EFNA5: variants seen among roughly 807,000 people sequenced by gnomAD.
EFNA5 encodes ephrin A5, also known as ephrin-A5.
A neutral mutation model predicts 22.9 loss-of-function variants in EFNA5; 5 were observed. The observed-to-expected ratio is 0.22, with a 90% CI of 0.11 to 0.46. The LOEUF is 0.46. Among genes scored for constraint, EFNA5 ranks in the 20% least tolerant of loss-of-function variants. The pLI is 0.99. For synonymous variants in EFNA5, 113 were observed against 112.2 expected (o/e 1.01, Z -0.04); for missense variants, 237 against 293.3 (o/e 0.81, Z 1.40).
At chr5:107,583,121 G>T (rs550139054) in intron 1 of EFNA5, among the ~76,000 whole-genome samples, 60 of 152,114 alleles carry the variant, frequency 3.9e-4, no homozygotes, top group African/African-American at 1.3e-3. Flanking sequence ...ATAAAATTTA[G>T]GTATACAAAG....
chr5:107,405,278 G>A (rs990178672), intron 2 of EFNA5, among the ~76,000 whole-genome samples: 8 of 152,204 alleles, frequency 5.3e-5, no homozygotes, highest in African/African-American at 1.4e-4. Flanking sequence ...AGCTGATGAT[G>A]CTGTGCCACG....
At chr5:107,417,865 AAG>A in intron 2 of EFNA5, among the ~76,000 whole-genome samples, 1 of 152,314 alleles carries the variant, frequency 6.6e-6, no homozygotes, top group East Asian at 1.9e-4. Flanking sequence ...CTTTCAAACC[AAG>A]AGTTACATGA....
At chr5:107,511,320 C>G (rs1442085895) in intron 1 of EFNA5, among the ~76,000 whole-genome samples, 1 of 151,976 alleles carries the variant, frequency 6.6e-6, no homozygotes, top group Admixed American at 6.6e-5. Context: ...GCCACTGCTC[C>G]CGGCACCATA....
At chr5:107,406,677 T>C (rs1482115017) in intron 2 of EFNA5, among the ~76,000 whole-genome samples, 1 of 152,218 alleles carries the variant, frequency 6.6e-6, no homozygotes, top group Admixed American at 6.5e-5. Context: ...CTACTTGACA[T>C]ATTTTATATT....
Position 107,429,525 on chromosome 5 carries a change from G to A in EFNA5, c.126-2016C>T, listed in dbSNP as rs77094405. On this transcript the variant is annotated intron_variant, in intron 1 of 4. Coordinates refer to ENST00000333274, the MANE Select transcript of EFNA5 (RefSeq NM_001962.3). ...TTGACAAGCCAAGATACTCTTCCGA[G>A]AGACAACATTGTGAAAAAGTAGAGA... Among the ~76,000 whole-genome samples, 124 of 152,286 alleles carry A rather than the reference G, an allele frequency of 8.1e-4. 1 individual carries two copies. The East Asian group carries it at 0.02, about 24-fold the overall frequency.
intron 1 of EFNA5, among the ~76,000 whole-genome samples, chr5:107,590,700 C>G (rs1749305083): frequency 6.6e-6 from 1 of 152,016 alleles, no homozygotes; most frequent in African/African-American, 2.4e-5. Context: ...GCCTCATGGA[C>G]ATGATTTTAT....
intron 1 of EFNA5, among the ~76,000 whole-genome samples, chr5:107,540,656 G>T (rs1057301994): frequency 6.6e-6 from 1 of 152,092 alleles, no homozygotes; most frequent in Non-Finnish European, 1.5e-5. Context: ...GATGCTTTAG[G>T]AGTAAAAATT....
chr5:107,407,859 G>C (rs1748264292), intron 2 of EFNA5, among the ~76,000 whole-genome samples: 1 of 152,106 alleles, frequency 6.6e-6, no homozygotes, highest in African/African-American at 2.4e-5. Context: ...CTGACATAGG[G>C]TTGGTCATAG....
At chr5:107,552,412 T>C (rs1748319480) in intron 1 of EFNA5, among the ~76,000 whole-genome samples, 1 of 152,208 alleles carries the variant, frequency 6.6e-6, no homozygotes, top group South Asian at 2.1e-4. Context: ...GGAAGTGCTC[T>C]TACCATCCTC....
intron 1 of EFNA5, among the ~76,000 whole-genome samples, chr5:107,588,098 G>A (rs1196723111): frequency 6.6e-6 from 1 of 152,178 alleles, no homozygotes; most frequent in Non-Finnish European, 1.5e-5. Flanking sequence ...CTTGGCTGAT[G>A]TAATAACTCA....
intron 1 of EFNA5, among the ~76,000 whole-genome samples, chr5:107,589,024 T>C (rs1580545619): frequency 1.3e-5 from 2 of 152,336 alleles, no homozygotes; most frequent in East Asian, 3.9e-4. Context: ...ACTGCCATTA[T>C]TGACAGTTTA....
At chr5:107,394,829 C>T (rs900749942) in intron 2 of EFNA5, among the ~76,000 whole-genome samples, 16 of 152,100 alleles carry the variant, frequency 1.1e-4, no homozygotes, top group Non-Finnish European at 2.9e-5. Flanking sequence ...CACTAACATG[C>T]TTTTTGTATA....
chr5:107,643,118 C>T (rs969951108), intron 1 of EFNA5, among the ~76,000 whole-genome samples: 1 of 152,102 alleles, frequency 6.6e-6, no homozygotes, highest in Non-Finnish European at 1.5e-5. Flanking sequence ...CAGCACATTT[C>T]TCTTCTAACA....
At chr5:107,662,478 T>G (rs1184677010) in intron 1 of EFNA5, among the ~76,000 whole-genome samples, 1 of 152,140 alleles carries the variant, frequency 6.6e-6, no homozygotes, top group East Asian at 1.9e-4. Context: ...TAGTATAAAT[T>G]TTTAGTAAAG....
At chr5:107,388,377 A>G (rs1315216928) in intron 2 of EFNA5, 1 of 152,220 alleles carries the variant, frequency 6.6e-6, no homozygotes, top group African/African-American at 2.4e-5. Flanking sequence ...AACTTCCATC[A>G]TGCTATTATA....
chr5:107,631,959 C>T (rs962001778), intron 1 of EFNA5, among the ~76,000 whole-genome samples: 1 of 152,218 alleles, frequency 6.6e-6, no homozygotes, highest in South Asian at 2.1e-4. Flanking sequence ...AAGAAACCCT[C>T]GCTGTACCTC....
chr5:107,539,131 T>A (rs551495862), intron 1 of EFNA5, among the ~76,000 whole-genome samples: 1 of 152,340 alleles, frequency 6.6e-6, no homozygotes, highest in African/African-American at 2.4e-5. Context: ...AACACTGGGT[T>A]CTTTGAATGT....
intron 1 of EFNA5, among the ~76,000 whole-genome samples, chr5:107,659,974 G>C (rs946660667): frequency 6.6e-6 from 1 of 151,478 alleles, no homozygotes; most frequent in African/African-American, 2.4e-5. Flanking sequence ...CTGACCTTAG[G>C]TGTACATATT....
In EFNA5 at chr5:107,511,041, T is replaced by TGTGTGA. The variant is rs1363882358; in HGVS notation, c.126-83533_126-83532insTCACAC. Among the ~76,000 whole-genome samples, 15 of 149,854 alleles carry TGTGTGA rather than the reference T, an allele frequency of 1.0e-4. 1 individual carries two copies. The highest frequency in any genetic ancestry group is 3.0e-4 in the African/African-American group (12 of 40,164). On this transcript the variant is annotated intron_variant, in intron 1 of 4. Coordinates refer to ENST00000333274, the MANE Select transcript of EFNA5 (RefSeq NM_001962.3). ...GTGTGTGTGTGTGTGTGTGTGTGTGTGAGACGGAGAGTTTTGCTCTTGTTG... is the reference window on the plus strand; with the variant it reads ...GTGTGTGTGTGTGTGTGTGTGTGTGTGTGTGAGAGACGGAGAGTTTTGCTCTTGTTG...
Sources: allele counts gnomAD v4.1 joint callset (sites outside exome capture counted in the v4.1 genomes callset), GRCh38; gene constraint gnomAD v4.1.1; transcripts MANE v1.5; gene names NCBI Gene and HGNC (gene_info 2026-07-23, HGNC 2026-07-21).